The following TMEM178B variants were observed in gnomAD, a reference collection of about 807,000 sequenced individuals.
TMEM178B encodes the protein transmembrane protein 178B.
A neutral mutation model predicts 31.0 loss-of-function variants in TMEM178B; 5 were observed. The observed-to-expected ratio is 0.16, with a 90% CI of 0.08 to 0.34. The LOEUF (loss-of-function observed/expected upper bound fraction) is 0.34, where lower values mean the gene tolerates loss of function less well. Ranked by LOEUF, TMEM178B falls within the 10% of genes least tolerant of loss-of-function variation. TMEM178B has a pLI of 1.00. For missense variants in TMEM178B, 275 were observed against 400.3 expected, an observed-to-expected ratio of 0.69 and a Z score of 2.67; for synonymous variants, 164 against 164.0, an observed-to-expected ratio of 1.00 and a Z score of 0.00.
intron 2 of TMEM178B, among the ~76,000 whole-genome samples, chr7:141,432,122 T>C (rs541985844): frequency 4.6e-5 from 7 of 151,456 alleles, no homozygotes; most frequent in Admixed American, 3.9e-4. Context: ...TTCCTTTTCT[T>C]TCTTTTTCTC....
At chr7:141,146,028 T>C (rs1002353548) in intron 1 of TMEM178B, among the ~76,000 whole-genome samples, 2 of 152,352 alleles carry the variant, frequency 1.3e-5, no homozygotes, top group African/African-American at 4.8e-5. Context: ...GCTTACTATA[T>C]GCTGAGCACT....
chr7:141,450,072 A>G (rs1216542616), intron 3 of TMEM178B, among the ~76,000 whole-genome samples: 3 of 152,196 alleles, frequency 2.0e-5, no homozygotes, highest in Non-Finnish European at 4.4e-5. Context: ...GTGAGGGTCT[A>G]TGCAAAGCCA....
At chr7:141,380,759 T>C (rs1183421648) in intron 2 of TMEM178B, among the ~76,000 whole-genome samples, 1 of 152,202 alleles carries the variant, frequency 6.6e-6, no homozygotes, top group African/African-American at 2.4e-5. Context: ...TCATATAGGT[T>C]ACAGTCATTC....
intron 2 of TMEM178B, among the ~76,000 whole-genome samples, chr7:141,278,349 AGG>A (rs1356570786): frequency 1.3e-5 from 2 of 152,200 alleles, no homozygotes; most frequent in African/African-American, 4.8e-5. Flanking sequence ...TGGGAGGCCG[AGG>A]CCAGTAGATC....
intron 1 of TMEM178B, among the ~76,000 whole-genome samples, chr7:141,080,406 G>A (rs367706561): frequency 1.3e-5 from 2 of 152,136 alleles, no homozygotes; most frequent in South Asian, 4.1e-4. Flanking sequence ...GGATTACGAG[G>A]TCAAGAGATT....
the TMEM178B span, among the ~76,000 whole-genome samples, chr7:141,491,427 T>A: frequency 2.0e-5 from 3 of 152,238 alleles, no homozygotes; most frequent in Non-Finnish European, 4.4e-5. Context: ...TTACCTTTTA[T>A]TTGCTCTCTC....
chr7:141,453,101 C>T (rs1179227079), intron 3 of TMEM178B, among the ~76,000 whole-genome samples: 1 of 152,222 alleles, frequency 6.6e-6, no homozygotes, highest in Non-Finnish European at 1.5e-5. Flanking sequence ...AATGATCTTA[C>T]CTAGACCCAG....
chr7:141,086,326 C>A (rs1478536709), intron 1 of TMEM178B, among the ~76,000 whole-genome samples: 5 of 152,108 alleles, frequency 3.3e-5, no homozygotes, highest in Non-Finnish European at 5.9e-5. Flanking sequence ...AGCCATCATG[C>A]CTGATCCAAT....
At chr7:141,212,091 A>C (rs1213052927) in intron 1 of TMEM178B, among the ~76,000 whole-genome samples, 1 of 152,184 alleles carries the variant, frequency 6.6e-6, no homozygotes, top group African/African-American at 2.4e-5. Context: ...ACACGGATTG[A>C]TCTGAGTGCT....
At chr7:141,314,998 A>T (rs892159988) in intron 2 of TMEM178B, among the ~76,000 whole-genome samples, 1 of 152,158 alleles carries the variant, frequency 6.6e-6, no homozygotes, top group Non-Finnish European at 1.5e-5. Flanking sequence ...ATCCTTCTCC[A>T]TCCACATCTG....
chr7:141,102,170 C>T (rs913140611), intron 1 of TMEM178B, among the ~76,000 whole-genome samples: 2 of 151,880 alleles, frequency 1.3e-5, no homozygotes, highest in Admixed American at 1.3e-4. Context: ...TTAGAGAGTG[C>T]GAATGACTAT....
intron 2 of TMEM178B, among the ~76,000 whole-genome samples, chr7:141,347,727 C>T (rs1799644657): frequency 6.6e-6 from 1 of 151,924 alleles, no homozygotes; most frequent in Non-Finnish European, 1.5e-5. Context: ...CCCCCGTCTG[C>T]CTTCTCTGTC....
chr7:141,382,179 A>G (rs186305030), intron 2 of TMEM178B, among the ~76,000 whole-genome samples: 1 of 152,282 alleles, frequency 6.6e-6, no homozygotes, highest in Non-Finnish European at 1.5e-5. Flanking sequence ...AACAGAAATC[A>G]TGTGTCAGTC....
intron 2 of TMEM178B, among the ~76,000 whole-genome samples, chr7:141,424,494 TGGCCA>T (rs1202427822): frequency 2.0e-5 from 3 of 152,220 alleles, no homozygotes; most frequent in Non-Finnish European, 2.9e-5. Flanking sequence ...ACGCAATCGG[TGGCCA>T]GGCCTCTCTT....
chr7:141,117,357 GT>G lies in TMEM178B; in HGVS notation c.382+42674del, dbSNP rs569803355. 2.7e-5 allele frequency among the ~76,000 whole-genome samples: 4 copies of G among 150,776 alleles called. No homozygotes were observed. In the South Asian group the frequency reaches 6.3e-4, roughly 24 times the overall value. The stretch of plus-strand genomic sequence containing the variant: ...CATATCCTTTGCCCACTTTTTGATG[GT>G]TTTTTTTTCTTGTAAATCTATTTAA... On this transcript the variant is annotated intron_variant, in intron 1 of 3. Transcript: ENST00000565468.
At chr7:141,169,660 T>C (rs773535931) in intron 1 of TMEM178B, among the ~76,000 whole-genome samples, 3 of 152,234 alleles carry the variant, frequency 2.0e-5, no homozygotes, top group Non-Finnish European at 2.9e-5. Context: ...AAATAATCAC[T>C]TGCAGAAAAC....
At chr7:141,315,555 A>G (rs1490660750) in intron 2 of TMEM178B, among the ~76,000 whole-genome samples, 4 of 152,208 alleles carry the variant, frequency 2.6e-5, no homozygotes, top group Non-Finnish European at 5.9e-5. Context: ...AACTTTCTAT[A>G]AATATTCATC....
At chr7:141,448,948 G>A (rs1801811966) in intron 3 of TMEM178B, among the ~76,000 whole-genome samples, 1 of 152,126 alleles carries the variant, frequency 6.6e-6, no homozygotes. Context: ...GAGGGAAGAG[G>A]GGACAGGGTA....
chr7:141,311,316 AT>A (rs1798906783), intron 2 of TMEM178B, among the ~76,000 whole-genome samples: 1 of 152,230 alleles, frequency 6.6e-6, no homozygotes, highest in African/African-American at 2.4e-5. Flanking sequence ...AGTTTTAAAA[AT>A]GTCCCATTTA....
Sources: gnomAD v4.1 joint callset for allele counts (sites outside exome capture counted in the v4.1 genomes callset) on GRCh38, gnomAD v4.1.1 for gene constraint, MANE v1.5 for transcripts, NCBI Gene and HGNC (gene_info 2026-07-23, HGNC 2026-07-21) for gene names.